ROBO2: variants seen among roughly 807,000 people sequenced by gnomAD.
ROBO2 encodes roundabout guidance receptor 2, also known as roundabout homolog 2.
In ROBO2, 53 loss-of-function variants were observed where a neutral mutation model predicts 160.8. That is an observed-to-expected ratio of 0.33 (90% CI 0.26 to 0.41). The LOEUF is 0.41. Among genes scored for constraint, ROBO2 ranks in the 10% least tolerant of loss-of-function variants. The pLI is 1.00. For synonymous variants in ROBO2, 664 were observed against 611.7 expected (o/e 1.09, Z -1.26); for missense variants, 1,577 against 1,722.4 (o/e 0.92, Z 1.49).
At chr3:76,503,274 G>C (rs996761677) in intron 2 of ROBO2, among the ~76,000 whole-genome samples, 16 of 152,144 alleles carry the variant, frequency 1.1e-4, no homozygotes, top group African/African-American at 3.9e-4. Flanking sequence ...AAGCTGGTTA[G>C]TTAGCGCCCA....
At chr3:75,937,459 A>T (rs1454647005) in intron 1 of ROBO2, 3 of 1,348,790 alleles carry the variant, frequency 2.2e-6, no homozygotes, top group Non-Finnish European at 3.0e-6. Flanking sequence ...GTACTTTCAC[A>T]TCCACCCCAC....
rs564681152 is a variant in ROBO2, at chr3:76,013,999, A to G, written c.109+76397A>G. Among the ~76,000 whole-genome samples, 4 of 148,826 alleles carry G rather than the reference A, an allele frequency of 2.7e-5. 1 individual carries two copies. Among genetic ancestry groups the G allele is most frequent in the Admixed American group, 2.0e-4 (3 of 14,894 alleles). On this transcript the variant is annotated intron_variant, in intron 2 of 26. Transcript: ENST00000487694. ...GTATAAAGGCATTTGGAGGCTGGGC[A>G]TGGTGGTTTATGCGTGTAATCCCAG...
chr3:77,146,354 G>A (rs984923614), intron 2 of ROBO2, among the ~76,000 whole-genome samples: 6 of 152,162 alleles, frequency 3.9e-5, no homozygotes, highest in African/African-American at 1.4e-4. Context: ...AACCCAGCGA[G>A]CAGGGAAACT....
chr3:77,449,001 T>TA (rs2080858899), intron 2 of ROBO2, among the ~76,000 whole-genome samples: 2 of 152,158 alleles, frequency 1.3e-5, no homozygotes, highest in African/African-American at 2.4e-5. Flanking sequence ...AAATTGTTTA[T>TA]AAAAGTTTTA....
chr3:77,473,490 C>A (rs2083602970), intron 2 of ROBO2, among the ~76,000 whole-genome samples: 1 of 118,008 alleles, frequency 8.5e-6, no homozygotes, highest in Non-Finnish European at 1.6e-5. Flanking sequence ...GACAAAGTCT[C>A]GCTCTGTCGC....
intron 6 of ROBO2, among the ~76,000 whole-genome samples, chr3:77,523,648 A>C (rs951230857): frequency 9.2e-5 from 14 of 151,386 alleles, no homozygotes; most frequent in African/African-American, 3.4e-4. Context: ...CACGTGAGGG[A>C]AATTACATAG....
At chr3:76,822,063 C>CA (rs922009499) in intron 2 of ROBO2, among the ~76,000 whole-genome samples, 11 of 150,190 alleles carry the variant, frequency 7.3e-5, no homozygotes, top group South Asian at 2.1e-4. Context: ...AGATAAATAC[C>CA]AAAAAAAAAT....
At chr3:77,547,857 G>A (rs1380522096) in intron 7 of ROBO2, among the ~76,000 whole-genome samples, 1 of 152,004 alleles carries the variant, frequency 6.6e-6, no homozygotes, top group Non-Finnish European at 1.5e-5. Context: ...TCTACACATA[G>A]AGTTCTTTAA....
intron 2 of ROBO2, among the ~76,000 whole-genome samples, chr3:76,362,005 T>G (rs2075551206): frequency 6.6e-6 from 1 of 152,098 alleles, no homozygotes; most frequent in Admixed American, 6.6e-5. Flanking sequence ...TTGGAGTGAT[T>G]TAAATGAGTA....
chr3:76,109,216 C>T (rs2070099054), intron 2 of ROBO2, among the ~76,000 whole-genome samples: 1 of 150,370 alleles, frequency 6.7e-6, no homozygotes, highest in Non-Finnish European at 1.5e-5. Flanking sequence ...TTTGTAATTA[C>T]ATTTTCCCAG....
At chr3:77,467,544 C>A (rs985232526) in intron 2 of ROBO2, among the ~76,000 whole-genome samples, 2 of 152,084 alleles carry the variant, frequency 1.3e-5, no homozygotes, top group African/African-American at 2.4e-5. Context: ...AATGTAAATT[C>A]TTTAAAACTG....
intron 2 of ROBO2, among the ~76,000 whole-genome samples, chr3:77,251,061 C>T (rs2090288952): frequency 6.6e-6 from 1 of 152,080 alleles, no homozygotes. Flanking sequence ...CCTGCAGTTC[C>T]AGGAGCTCAG....
At chr3:77,325,934 A>C (rs2065337130) in intron 2 of ROBO2, among the ~76,000 whole-genome samples, 1 of 152,220 alleles carries the variant, frequency 6.6e-6, no homozygotes, top group African/African-American at 2.4e-5. Context: ...ACCTTGAGTT[A>C]CATGGTTTTT....
chr3:77,472,957 C>T (rs556408163), intron 2 of ROBO2, among the ~76,000 whole-genome samples: 1 of 152,050 alleles, frequency 6.6e-6, no homozygotes, highest in African/African-American at 2.4e-5. Flanking sequence ...TTCGTTGCCT[C>T]GTGCCAAGGA....
At chr3:76,181,205 G>A (rs1319217777) in intron 2 of ROBO2, among the ~76,000 whole-genome samples, 1 of 151,948 alleles carries the variant, frequency 6.6e-6, no homozygotes, top group African/African-American at 2.4e-5. Context: ...TTGTTGCCTA[G>A]ATTTGCTTGT....
chr3:75,983,307 A>T (rs1160544589), intron 2 of ROBO2, among the ~76,000 whole-genome samples: 1 of 151,450 alleles, frequency 6.6e-6, no homozygotes, highest in African/African-American at 2.4e-5. Flanking sequence ...ACATAACCAG[A>T]TGGTAATTTT....
At chr3:76,555,975 G>C (rs1469436656) in intron 2 of ROBO2, among the ~76,000 whole-genome samples, 2 of 151,918 alleles carry the variant, frequency 1.3e-5, no homozygotes, top group Non-Finnish European at 2.9e-5. Flanking sequence ...TCTGTAATCT[G>C]AGCTACTTGG....
chr3:77,441,651 G>A (rs1212485145), intron 2 of ROBO2, among the ~76,000 whole-genome samples: 1 of 152,106 alleles, frequency 6.6e-6, no homozygotes, highest in Non-Finnish European at 1.5e-5. Flanking sequence ...TTTGGGATCA[G>A]ACTGAAGAAA....
intron 2 of ROBO2, among the ~76,000 whole-genome samples, chr3:76,404,776 C>T (rs1055021075): frequency 6.6e-6 from 1 of 151,402 alleles, no homozygotes; most frequent in African/African-American, 2.4e-5. Context: ...GAATCCAAGA[C>T]AGTGCTAAGC....
Sources: gnomAD v4.1 joint callset for allele counts (sites outside exome capture counted in the v4.1 genomes callset) on GRCh38, gnomAD v4.1.1 for gene constraint, MANE v1.5 for transcripts, NCBI Gene and HGNC (gene_info 2026-07-23, HGNC 2026-07-21) for gene names.